C5: variants seen among roughly 807,000 people sequenced by gnomAD.
The protein encoded by C5 is complement C5.
A neutral mutation model predicts 218.8 loss-of-function variants in C5; 140 were observed. That is an observed-to-expected ratio of 0.64 (90% confidence interval 0.56 to 0.74). C5 has a LOEUF of 0.74. Ranked by LOEUF, C5 falls within the 30% of genes least tolerant of loss-of-function variation. C5 has a pLI of 0.00. For synonymous variants in C5, 614 were observed against 682.3 expected (o/e 0.90, Z 1.56); for missense variants, 1,700 against 1,969.6 (o/e 0.86, Z 2.59).
Position 121,023,454 on chromosome 9 carries a change from A to C in C5, c.1066T>G (p.Leu356Val). The change falls in exon 10 of 41, where the codon TTG becomes GTG. Residue 356 changes from leucine (L) to valine (V), a missense_variant. Transcript: ENST00000223642. ...KYVLSPYKLN[L>V]VATPLFLKPG... is the part of the protein sequence containing the mutation. The stretch of plus-strand genomic sequence containing the variant: ...TTCAGGAAAAGAGGAGTAGCAACCA[A>C]ATTCAGTTTGTAGGGAGAGAGGACA... 6.2e-7 allele frequency: 1 copy of C among 1,614,052 alleles called. No individual in the cohort carries two copies. The highest frequency in any genetic ancestry group is 8.5e-7 in the Non-Finnish European group (1 of 1,179,914).
At chr9:121,060,170 G>A in the C5 span, among the ~76,000 whole-genome samples, 4 of 152,140 alleles carry the variant, frequency 2.6e-5, no homozygotes, top group Admixed American at 2.6e-4. Context: ...CTTATAATTA[G>A]CAAGTGTACT....
rs1491039401 is a variant in C5 at position 120,984,215 on chromosome 9, TTG to T, written c.3231-1403_3231-1402del. ...TTTAATTATTTTAAAGATTTTTTTT[TTG>T]ATATTAATCGGAACTTGCCCCTCCA... On this transcript the variant is annotated intron_variant, in intron 25 of 40. Transcript: ENST00000223642. Among the ~76,000 whole-genome samples the T allele has an allele frequency of 2.6e-5, 4 of 152,096 alleles. No individual in the cohort carries two copies. In the Admixed American group the frequency reaches 2.6e-4, roughly 10 times the overall value.
intron 17 of C5, among the ~76,000 whole-genome samples, chr9:121,013,318 GAAAAA>G (rs138938912): frequency 1.0e-5 from 1 of 99,252 alleles, no homozygotes; most frequent in Non-Finnish European, 2.1e-5. Context: ...GATTCCTACT[GAAAAA>G]AAAAAAAAAA....
At position 121,020,050 on chromosome 9, in the gene C5, C is replaced by T; in HGVS notation, c.1432G>A (p.Val478Met). The part of the protein sequence containing the change: ...DWTDNHKALL[V>M]GEHLNIIVTP... ...ACAATAATATTCAGATGTTCTCCCA[C>T]TAGCAAAGCCTTATGGTTATCAGTC... is the stretch of plus-strand genomic sequence containing the variant. Residue 478 changes from valine to methionine, a missense_variant, in exon 12 of 41, where the codon GTG (valine) becomes ATG (methionine). By Grantham distance (21) the Val-to-Met change is conservative. Coordinates refer to ENST00000223642, the MANE Select transcript of C5 (RefSeq NM_001735.3). 1 of 1,613,316 alleles carries T rather than the reference C, an allele frequency of 6.2e-7. No individual in the cohort carries two copies. Among genetic ancestry groups the T allele is most frequent in the Admixed American group, 1.7e-5 (1 of 60,026 alleles).
chr9:121,013,806 T>C (rs2047282890), intron 17 of C5, 67 bp downstream of exon 17: 4 of 1,352,560 alleles, frequency 3.0e-6, no homozygotes, highest in South Asian at 1.2e-5. Flanking sequence ...CTGCCTTTCT[T>C]AGCAGCATAA....
At chr9:121,066,464 TTAAG>T in the C5 span, among the ~76,000 whole-genome samples, 35 of 151,996 alleles carry the variant, frequency 2.3e-4, no homozygotes, top group African/African-American at 8.4e-4. Flanking sequence ...ACTCACAACT[TTAAG>T]TGAGCAAAGA....
intron 30 of C5, 120 bp downstream of exon 30, chr9:120,974,659 T>C (rs1366225515): frequency 3.1e-6 from 3 of 964,854 alleles, no homozygotes; most frequent in East Asian, 2.4e-5. Flanking sequence ...GTTTAGGACA[T>C]AGCTGACACT....
intron 32 of C5, 106 bp downstream of exon 32, chr9:120,970,064 A>G: frequency 1.3e-6 from 1 of 776,702 alleles, no homozygotes; most frequent in South Asian, 1.5e-5. Flanking sequence ...TGGTTAAGAA[A>G]TTTCACTTTT....
At chr9:121,072,884 T>C in the C5 span, among the ~76,000 whole-genome samples, 1 of 149,190 alleles carries the variant, frequency 6.7e-6, no homozygotes, top group Non-Finnish European at 1.5e-5. Flanking sequence ...TTTTCAAAAA[T>C]TCTGCGTTTA....
intron 39 of C5, among the ~76,000 whole-genome samples, chr9:120,955,207 T>C (rs1327806899): frequency 6.6e-6 from 1 of 152,190 alleles, no homozygotes; most frequent in South Asian, 2.1e-4. Context: ...TTTATATTTA[T>C]AAAAATTCAA....
At chr9:120,980,540 G>A (rs1035029) in intron 27 of C5, among the ~76,000 whole-genome samples, 96,659 of 152,068 alleles carry the variant, frequency 0.64, 30,837 homozygotes, top group East Asian at 0.77. Flanking sequence ...TGAGTACACC[G>A]TCAGACCTAG....
intron 2 of C5, among the ~76,000 whole-genome samples, chr9:121,045,990 G>C (rs2047623622): frequency 6.6e-6 from 1 of 152,038 alleles, no homozygotes; most frequent in Non-Finnish European, 1.5e-5. Context: ...TGCTCAAAAA[G>C]CAGACATAAC....
chr9:121,039,991 A>T (rs2047563205), intron 3 of C5, among the ~76,000 whole-genome samples: 1 of 152,222 alleles, frequency 6.6e-6, no homozygotes, highest in Non-Finnish European at 1.5e-5. Context: ...TACAGTAGTG[A>T]AACAAATCAG....
At chr9:121,056,238 T>C in the C5 span, among the ~76,000 whole-genome samples, 1 of 152,178 alleles carries the variant, frequency 6.6e-6, no homozygotes, top group Admixed American at 6.5e-5. Flanking sequence ...CAGGAAAACA[T>C]GGCCTCACTG....
the C5 span, among the ~76,000 whole-genome samples, chr9:121,063,446 G>A: frequency 6.6e-6 from 1 of 151,994 alleles, no homozygotes; most frequent in Admixed American, 6.6e-5. Flanking sequence ...TTCTTTAGAT[G>A]TGGTTTCTTT....
At chr9:120,990,472 A>C (rs187930957) in intron 23 of C5, among the ~76,000 whole-genome samples, 1 of 152,342 alleles carries the variant, frequency 6.6e-6, no homozygotes, top group African/African-American at 2.4e-5. Context: ...CCAAGGTGAT[A>C]GTATTAGAAG....
chr9:120,972,557 C>A (rs1444081464), intron 30 of C5, among the ~76,000 whole-genome samples: 1 of 152,168 alleles, frequency 6.6e-6, no homozygotes, highest in East Asian at 1.9e-4. Context: ...ACCACTAGCA[C>A]CCCACTCAAG....
intron 28 of C5, among the ~76,000 whole-genome samples, chr9:120,979,275 T>C (rs1280710327): frequency 6.6e-6 from 1 of 152,218 alleles, no homozygotes; most frequent in African/African-American, 2.4e-5. Flanking sequence ...CTTCACCTCC[T>C]TTCAGCTCTT....
the C5 span, among the ~76,000 whole-genome samples, chr9:121,065,699 G>C: frequency 6.6e-6 from 1 of 152,070 alleles, no homozygotes; most frequent in Non-Finnish European, 1.5e-5. Context: ...TGTTTTCCTA[G>C]CTGGTCTGGA....
Sources: allele counts gnomAD v4.1 joint callset (sites outside exome capture counted in the v4.1 genomes callset), GRCh38; gene constraint gnomAD v4.1.1; transcripts MANE v1.5; gene names NCBI Gene and HGNC (gene_info 2026-07-23, HGNC 2026-07-21).